The following ERICH6B variants were observed in gnomAD, a reference collection of about 807,000 sequenced individuals.
The protein encoded by ERICH6B is glutamate-rich protein 6B.
A neutral mutation model predicts 80.0 loss-of-function variants in ERICH6B; 69 were observed. The observed-to-expected ratio is 0.86, with a 90% confidence interval of 0.71 to 1.05. ERICH6B has a LOEUF of 1.05. ERICH6B is among the 50% of genes least tolerant of loss of function. The pLI is 0.00. For missense variants in ERICH6B, 754 were observed against 796.1 expected (o/e 0.95, Z 0.64); for synonymous variants, 283 against 291.9 (o/e 0.97, Z 0.31).
intron 2 of ERICH6B, among the ~76,000 whole-genome samples, chr13:45,599,197 G>T (rs1322579868): frequency 1.3e-5 from 2 of 152,184 alleles, no homozygotes; most frequent in Non-Finnish European, 2.9e-5. Context: ...GAAAAACAAG[G>T]CCTCACTGGT....
chr13:45,565,219 C>T (rs1874861948), intron 9 of ERICH6B, among the ~76,000 whole-genome samples: 1 of 152,102 alleles, frequency 6.6e-6, no homozygotes, highest in Non-Finnish European at 1.5e-5. Context: ...TCTCTTGCCC[C>T]ATGCCTCTAC....
rs560864107 is a variant in ERICH6B at position 45,597,088 on chromosome 13, C to A, written c.-58-25G>T. On this transcript the variant is annotated intron_variant, in intron 2 of 14. Transcript: ENST00000298738. ...CCTGTATCCAAGAAAGGAATAAAAT[C>A]CTATTAGCCAGTAATAGCAAATGCA... 303 of 1,411,578 alleles carry A rather than the reference C, an allele frequency of 2.1e-4. 2 individuals are homozygous for A. In the South Asian group the frequency reaches 3.7e-3, roughly 17 times the overall value. The allele number at this position is 1,411,578 out of a possible 1,614,324, so 87.4% of individuals were successfully genotyped here.
chr13:45,614,087 C>T (rs574802737), intron 1 of ERICH6B, among the ~76,000 whole-genome samples: 1 of 152,250 alleles, frequency 6.6e-6, no homozygotes, highest in Non-Finnish European at 1.5e-5. Context: ...TGTATGTGTC[C>T]CTTCCAACCA....
intron 14 of ERICH6B, 63 bp downstream of exon 14, chr13:45,544,697 G>A (rs1031063997): frequency 4.2e-6 from 6 of 1,412,488 alleles, no homozygotes; most frequent in African/African-American, 1.4e-5. Flanking sequence ...GTCCAAGCCA[G>A]CAGTGGCCTT....
chr13:45,588,281 G>T (rs755603447), intron 4 of ERICH6B, among the ~76,000 whole-genome samples: 2 of 152,176 alleles, frequency 1.3e-5, no homozygotes, highest in African/African-American at 2.4e-5. Context: ...GGCAGATCTT[G>T]CAGGTGCCTC....
intron 14 of ERICH6B, among the ~76,000 whole-genome samples, chr13:45,543,667 A>T (rs1022632929): frequency 6.6e-6 from 1 of 152,214 alleles, no homozygotes; most frequent in Non-Finnish European, 1.5e-5. Flanking sequence ...TTGATCTCAG[A>T]CTTGGCCCAG....
At chr13:45,570,111 C>A (rs982108779) in intron 8 of ERICH6B, among the ~76,000 whole-genome samples, 1 of 152,116 alleles carries the variant, frequency 6.6e-6, no homozygotes, top group African/African-American at 2.4e-5. Context: ...GCATATGTGA[C>A]GTCTTATGGG....
In ERICH6B at chr13:45,558,156, G is replaced by T. The variant is rs185746657; in HGVS notation, c.1407+3213C>A. The stretch of plus-strand genomic sequence containing the variant: ...CTTGTAGAGATCTTTTACCTCCTTG[G>T]TCAGATATATTCCTATGTATTTTAT... On this transcript the variant is annotated intron_variant, in intron 11 of 14. Transcript: ENST00000298738. 6.2e-4 allele frequency among the ~76,000 whole-genome samples: 94 copies of T among 152,096 alleles called. 1 individual carries two copies. In the East Asian group the frequency reaches 0.018, roughly 28 times the overall value.
chr13:45,604,281 A>T (rs533105372), intron 2 of ERICH6B, among the ~76,000 whole-genome samples: 2 of 152,208 alleles, frequency 1.3e-5, no homozygotes, highest in Non-Finnish European at 2.9e-5. Flanking sequence ...ATAATTTTTC[A>T]TTGACTGCTA....
At chr13:45,560,750 A>G (rs897244545) in intron 11 of ERICH6B, among the ~76,000 whole-genome samples, 7 of 152,100 alleles carry the variant, frequency 4.6e-5, no homozygotes, top group African/African-American at 1.7e-4. Flanking sequence ...ACTTGGTAAT[A>G]TGTGTTTAAG....
intron 5 of ERICH6B, among the ~76,000 whole-genome samples, chr13:45,586,148 G>C (rs1043128239): frequency 2.6e-5 from 4 of 152,130 alleles, no homozygotes; most frequent in African/African-American, 4.8e-5. Flanking sequence ...AAGGTCCCCA[G>C]TGAACCGATG....
At position 45,580,619 on chromosome 13, in the gene ERICH6B, C is replaced by T. The variant is rs375497408; in HGVS notation, c.903G>A (p.Thr301=). 20 of 1,551,548 alleles carry T rather than the reference C, an allele frequency of 1.3e-5. No individual in the cohort carries two copies. Among genetic ancestry groups the T allele is most frequent in the Middle Eastern group, 1.7e-4 (1 of 6,014 alleles). ...AAACTTTACCTTCCGGAGCCAGCTT[C>T]GTGGTGGTTTCTTGCTCTGTTTCTG... ...SKSETEQETT[T]KLAPEEHVNT... Residue 301 remains threonine (T), a synonymous_variant, in exon 6 of 15, where the codon ACG becomes ACA. Transcript: ENST00000298738.
intron 13 of ERICH6B, among the ~76,000 whole-genome samples, chr13:45,548,207 G>A (rs527483505): frequency 6.6e-5 from 10 of 152,304 alleles, no homozygotes; most frequent in African/African-American, 1.7e-4. Flanking sequence ...AATGGAAATC[G>A]AAAAGTGACC....
intron 11 of ERICH6B, among the ~76,000 whole-genome samples, chr13:45,554,720 T>G (rs1011952443): frequency 9.9e-5 from 15 of 152,194 alleles, no homozygotes; most frequent in African/African-American, 3.6e-4. Flanking sequence ...AGGCAAGAGC[T>G]TAAAGTGCAG....
At chr13:45,601,808 T>G (rs1192598202) in intron 2 of ERICH6B, among the ~76,000 whole-genome samples, 1 of 152,214 alleles carries the variant, frequency 6.6e-6, no homozygotes, top group Non-Finnish European at 1.5e-5. Flanking sequence ...TAATGGCAAC[T>G]TGATACCCAG....
At chr13:45,548,597 G>A (rs1178306459) in intron 13 of ERICH6B, among the ~76,000 whole-genome samples, 1 of 152,174 alleles carries the variant, frequency 6.6e-6, no homozygotes, top group African/African-American at 2.4e-5. Context: ...AGGATACACA[G>A]GGACCGTCTG....
At chr13:45,589,679 A>G (rs1246595761) in intron 4 of ERICH6B, among the ~76,000 whole-genome samples, 1 of 152,216 alleles carries the variant, frequency 6.6e-6, no homozygotes, top group Non-Finnish European at 1.5e-5. Context: ...CCAAAGCCCC[A>G]GTTCTCAATA....
At chr13:45,568,209 C>T (rs1875002156) in intron 9 of ERICH6B, 106 bp downstream of exon 9, 1 of 1,290,390 alleles carries the variant, frequency 7.7e-7, no homozygotes, top group Non-Finnish European at 1.0e-6. Context: ...CCTGTCTGGT[C>T]CTGACTTGCT....
At chr13:45,573,340 G>T (rs1875254725) in intron 8 of ERICH6B, among the ~76,000 whole-genome samples, 1 of 152,094 alleles carries the variant, frequency 6.6e-6, no homozygotes, top group Non-Finnish European at 1.5e-5. Flanking sequence ...TCCATTTGTG[G>T]ATATGCATGT....
Sources: allele counts gnomAD v4.1 joint callset (sites outside exome capture counted in the v4.1 genomes callset), GRCh38; gene constraint gnomAD v4.1.1; transcripts MANE v1.5; gene names NCBI Gene and HGNC (gene_info 2026-07-23, HGNC 2026-07-21).